The following SETD2 variants were observed in gnomAD, a reference collection of about 807,000 sequenced individuals.
SETD2 encodes the protein SET domain containing 2, histone lysine methyltransferase.
A neutral mutation model predicts 242.1 loss-of-function variants in SETD2; 31 were observed. That is an observed-to-expected ratio of 0.13 (90% CI 0.10 to 0.17). The LOEUF is 0.17. SETD2 is among the 10% of genes least tolerant of loss of function. SETD2 has a pLI of 1.00. For synonymous variants in SETD2, 1,006 were observed against 1,066.5 expected (o/e 0.94, Z 1.11); for missense variants, 2,481 against 3,046.3 (o/e 0.81, Z 4.37).
At chr3:47,037,376 G>A (rs1247371349) in intron 18 of SETD2, among the ~76,000 whole-genome samples, 1 of 146,628 alleles carries the variant, frequency 6.8e-6, no homozygotes, top group Admixed American at 7.1e-5. Flanking sequence ...GTGAGAACGT[G>A]CGGTGTTTGG....
chr3:47,107,092 C>T (rs1374812370), intron 5 of SETD2, among the ~76,000 whole-genome samples: 1 of 152,002 alleles, frequency 6.6e-6, no homozygotes, highest in African/African-American at 2.4e-5. Context: ...GTCTTTTCCC[C>T]TTCTCTTAAT....
At chr3:47,047,218 G>A (rs2039569451) in intron 15 of SETD2, among the ~76,000 whole-genome samples, 1 of 152,140 alleles carries the variant, frequency 6.6e-6, no homozygotes, top group African/African-American at 2.4e-5. Context: ...AATTTATACA[G>A]TGTTCTATGA....
intron 1 of SETD2, among the ~76,000 whole-genome samples, chr3:47,147,633 T>TA (rs2043888335): frequency 6.6e-6 from 1 of 151,338 alleles, no homozygotes; most frequent in African/African-American, 2.4e-5. Context: ...TTTTTTAAGA[T>TA]AGTTTCTAGG....
chr3:47,161,241 C>T (rs966863470), intron 1 of SETD2, among the ~76,000 whole-genome samples: 23 of 152,286 alleles, frequency 1.5e-4, no homozygotes, highest in African/African-American at 5.3e-4. Context: ...GCTCTTCATG[C>T]ATTATCTCAT....
chr3:47,069,764 G>C (rs1483510759), intron 12 of SETD2, among the ~76,000 whole-genome samples: 1 of 152,164 alleles, frequency 6.6e-6, no homozygotes, highest in Non-Finnish European at 1.5e-5. Flanking sequence ...GGGTAATACT[G>C]AATCAGGAAT....
intron 12 of SETD2, among the ~76,000 whole-genome samples, chr3:47,082,172 C>A (rs1037508944): frequency 2.0e-5 from 3 of 152,110 alleles, no homozygotes; most frequent in Admixed American, 2.0e-4. Flanking sequence ...CACTATCATA[C>A]GAAGAAACAA....
Position 47,120,411 on chromosome 3 carries a change from GCCT to G in SETD2, c.4222_4224del (p.Arg1408del). On this transcript the variant is annotated inframe_deletion, in exon 3 of 21. Coordinates refer to ENST00000409792, the MANE Select transcript of SETD2 (RefSeq NM_014159.7). ...CTTTCAGAATCACTCTCTATTTCCT[GCCT>G]CCTTTTTTTAAGAGGCCCTCTATCT... The G allele has an allele frequency of 6.2e-7, 1 of 1,611,396 alleles. No homozygotes were observed. The highest frequency in any genetic ancestry group is 2.2e-5 in the East Asian group (1 of 44,856).
chr3:47,150,189 C>T (rs1183820417), intron 1 of SETD2, among the ~76,000 whole-genome samples: 3 of 151,832 alleles, frequency 2.0e-5, no homozygotes, highest in African/African-American at 7.3e-5. Flanking sequence ...GCCACCACGC[C>T]CGGCTAATTT....
At position 47,124,500 on chromosome 3, in the gene SETD2, A is replaced by T. The variant is rs763941922; in HGVS notation, c.136T>A (p.Phe46Ile). The part of the protein sequence containing the change: ...QKTGFIKGPM[F>I]KGVASSRFLP... ...AATCGACTAGAAGCAACACCTTTGA[A>T]CATTGGTCCTTTGATGAAACCTGTT... The change falls in exon 3 of 21, where the codon TTC (phenylalanine) becomes ATC (isoleucine). Residue 46 changes from phenylalanine (F) to isoleucine (I), a missense_variant. By Grantham distance (21) the Phe-to-Ile change is conservative. Transcript: ENST00000409792. 2 of 1,550,332 alleles carry T rather than the reference A, an allele frequency of 1.3e-6. No individual in the cohort carries two copies. The highest frequency in any genetic ancestry group is 1.2e-5 in the South Asian group (1 of 83,916).
chr3:47,044,408 T>C (rs1575678911), intron 16 of SETD2, among the ~76,000 whole-genome samples: 1 of 120,618 alleles, frequency 8.3e-6, no homozygotes, highest in East Asian at 3.0e-4. Flanking sequence ...GCTCAACTCG[T>C]AACAAGCACT....
At chr3:47,084,843 G>C (rs545660701) in intron 11 of SETD2, among the ~76,000 whole-genome samples, 3 of 151,416 alleles carry the variant, frequency 2.0e-5, no homozygotes, top group South Asian at 4.2e-4. Flanking sequence ...CGATTCTCCT[G>C]CCTCAGCCTC....
chr3:47,114,127 T>C, intron 4 of SETD2, 123 bp from the exon 5 acceptor site: 1 of 938,122 alleles, frequency 1.1e-6, no homozygotes, highest in East Asian at 2.6e-5. Context: ...AGCATATGTA[T>C]GACTAACCCC....
chr3:47,137,725 C>T (rs934830892), intron 1 of SETD2, among the ~76,000 whole-genome samples: 19 of 152,130 alleles, frequency 1.2e-4, no homozygotes, highest in East Asian at 1.9e-4. Flanking sequence ...ATCTTGCTGT[C>T]GCCCAGGCTG....
rs748915919 is a variant in SETD2 at position 47,088,203 on chromosome 3, G to C, written c.5187C>G (p.Leu1729=). Residue 1729 remains leucine, a synonymous_variant, in exon 10 of 21, where the codon CTC becomes CTG. Transcript: ENST00000409792. ...AGCTGAGCACCTGGTTTTTATCAGA[G>C]AGACCCTCACCATTTTCCATCAGAG... ...LEALMENGEG[L]SDKNQVLSLS... The C allele has an allele frequency of 1.2e-6, 2 of 1,613,544 alleles. No individual in the cohort carries two copies. The highest frequency in any genetic ancestry group is 2.2e-5 in the East Asian group (1 of 44,860).
intron 12 of SETD2, among the ~76,000 whole-genome samples, chr3:47,069,148 T>C (rs973478984): frequency 2.0e-5 from 3 of 152,118 alleles, no homozygotes; most frequent in Admixed American, 1.3e-4. Context: ...GTAAGTACTA[T>C]TACCTCAATT....
In SETD2 at chr3:47,122,790, C is replaced by T. The variant is rs747391146; in HGVS notation, c.1846G>A (p.Ala616Thr). 16 of 1,612,694 alleles carry T rather than the reference C, an allele frequency of 9.9e-6. No homozygotes were observed. Among genetic ancestry groups the T allele is most frequent in the Non-Finnish European group, 1.3e-5 (15 of 1,179,716 alleles). Reference protein sequence around the residue: ...NPEREKAGSPAPSNRLNDSPT... With the variant: ...NPEREKAGSPTPSNRLNDSPT... ...GAATCATTTAATCGATTTGATGGAGCTGGAGACCCAGCCTTTTCTCTTTCA... is the reference window on the plus strand; with the variant it reads ...GAATCATTTAATCGATTTGATGGAGTTGGAGACCCAGCCTTTTCTCTTTCA... The change falls in exon 3 of 21, where the codon GCT (alanine) becomes ACT (threonine). Residue 616 changes from alanine (A) to threonine (T), a missense_variant. Coordinates refer to ENST00000409792, the MANE Select transcript of SETD2 (RefSeq NM_014159.7).
rs915770068 is a variant in SETD2 at position 47,163,684 on chromosome 3, C to T, written c.71+170G>A. 1.4e-4 allele frequency: 71 copies of T among 508,030 alleles called. 1 individual carries two copies. Among genetic ancestry groups the T allele is most frequent in the Middle Eastern group, 1.3e-3 (2 of 1,582 alleles). The allele number at this position is 508,030 out of a possible 1,614,324, so 31.5% of individuals were successfully genotyped here. A position where few individuals can be genotyped will look rare whatever the true frequency, so the allele number is the denominator to read the frequency against. ...ACCGCGGGCCTGCTGCGGCCCCGGC[C>T]AAGCGGCTCGAAGTGGCGGCGCGGG... On this transcript the variant is annotated intron_variant, in intron 1 of 20. Coordinates refer to ENST00000409792, the MANE Select transcript of SETD2 (RefSeq NM_014159.7).
chr3:47,102,045 G>A (rs909644126), intron 7 of SETD2, among the ~76,000 whole-genome samples: 1 of 152,178 alleles, frequency 6.6e-6, no homozygotes, highest in African/African-American at 2.4e-5. Flanking sequence ...TGAAGTGGTG[G>A]TCATCTGGCT....
chr3:47,085,156 T>C (rs983740016), intron 11 of SETD2, among the ~76,000 whole-genome samples: 2 of 152,204 alleles, frequency 1.3e-5, no homozygotes, highest in African/African-American at 2.4e-5. Flanking sequence ...AATCATAATA[T>C]TGTTTTCCTT....
Sources: allele counts gnomAD v4.1 joint callset (sites outside exome capture counted in the v4.1 genomes callset), GRCh38; gene constraint gnomAD v4.1.1; transcripts MANE v1.5; gene names NCBI Gene and HGNC (gene_info 2026-07-23, HGNC 2026-07-21).